Variants in TMC1 observed in about 807,000 individuals in gnomAD.
The protein encoded by TMC1 is transmembrane channel like 1.
Under a neutral mutation model 105.8 loss-of-function variants are expected in TMC1, and 84 were observed. The observed-to-expected ratio is 0.79, with a 90% CI of 0.67 to 0.95. The LOEUF (loss-of-function observed/expected upper bound fraction) is 0.95. TMC1 is among the 40% of genes least tolerant of loss of function. The probability of loss-of-function intolerance (pLI) is 0.00; values close to 1 mark genes in which losing one functional copy is unlikely to be tolerated. For synonymous variants in TMC1, 315 were observed against 311.5 expected (o/e 1.01, Z -0.12); for missense variants, 817 against 914.1 (o/e 0.89, Z 1.37).
chr9:72,742,236 A>AT (rs1182188040), intron 9 of TMC1, among the ~76,000 whole-genome samples: 6 of 152,084 alleles, frequency 3.9e-5, no homozygotes, highest in African/African-American at 1.2e-4. Context: ...ATCGATAAAC[A>AT]TTTTTTTGTT....
intron 1 of TMC1, among the ~76,000 whole-genome samples, chr9:72,529,122 T>C (rs1587939464): frequency 1.3e-5 from 2 of 148,806 alleles, no homozygotes; most frequent in East Asian, 3.9e-4. Flanking sequence ...AATCAGGGAC[T>C]GAAGCATCTT....
intron 12 of TMC1, among the ~76,000 whole-genome samples, chr9:72,767,486 A>G (rs1827858924): frequency 6.6e-6 from 1 of 152,232 alleles, no homozygotes; most frequent in Non-Finnish European, 1.5e-5. Flanking sequence ...GACCTCTGAA[A>G]TCCTGTCTCC....
intron 4 of TMC1, among the ~76,000 whole-genome samples, chr9:72,646,117 T>C (rs190467898): frequency 5.3e-5 from 8 of 152,336 alleles, no homozygotes; most frequent in African/African-American, 1.9e-4. Context: ...TCCAAAATTA[T>C]AGTCTATGAT....
At chr9:72,550,657 C>CAA (rs71493659) in intron 1 of TMC1, among the ~76,000 whole-genome samples, 20,202 of 61,540 alleles carry the variant, frequency 0.33, 4,207 homozygotes, top group African/African-American at 0.51. Context: ...GACTCCATCT[C>CAA]AAAAAAAAAA....
At chr9:72,610,426 C>T (rs1055899819) in intron 2 of TMC1, among the ~76,000 whole-genome samples, 10 of 152,164 alleles carry the variant, frequency 6.6e-5, no homozygotes, top group East Asian at 3.9e-4. Flanking sequence ...AAGAACCAAG[C>T]GAGCCAATGA....
chr9:72,691,211 A>C (rs1393643150), intron 6 of TMC1, among the ~76,000 whole-genome samples: 4 of 152,044 alleles, frequency 2.6e-5, no homozygotes, highest in Non-Finnish European at 4.4e-5. Flanking sequence ...ATTTCTGTTG[A>C]AACTCATACT....
At chr9:72,811,919 G>A (rs1379690843) in intron 18 of TMC1, among the ~76,000 whole-genome samples, 1 of 152,120 alleles carries the variant, frequency 6.6e-6, no homozygotes, top group Non-Finnish European at 1.5e-5. Flanking sequence ...CCATGTGATC[G>A]TACCAGCAAT....
chr9:72,719,827 A>G (rs1826991652), intron 8 of TMC1, among the ~76,000 whole-genome samples: 1 of 152,154 alleles, frequency 6.6e-6, no homozygotes, highest in Non-Finnish European at 1.5e-5. Context: ...GCAATTTTTC[A>G]TCTGCAGAAT....
chr9:72,723,782 C>G (rs904940953), intron 8 of TMC1, among the ~76,000 whole-genome samples: 2 of 152,246 alleles, frequency 1.3e-5, no homozygotes, highest in Non-Finnish European at 2.9e-5. Context: ...CAAGAATTCC[C>G]TTTACTTGTC....
chr9:72,700,743 T>TATATATATATATATATAC (rs1242969553), intron 8 of TMC1, 100 bp downstream of exon 8: 1 of 130,842 alleles, frequency 7.6e-6, no homozygotes, highest in African/African-American at 4.3e-5. Flanking sequence ...TATATATATA[T>TATATATATATATATATAC]ACACACACAC....
chr9:72,830,823 C>A, intron 23 of TMC1, 141 bp downstream of exon 23: 1 of 758,356 alleles, frequency 1.3e-6, no homozygotes, highest in Non-Finnish European at 2.2e-6. Context: ...CCTTACCTTC[C>A]ACCTTTTTAG....
intron 4 of TMC1, among the ~76,000 whole-genome samples, chr9:72,642,166 A>G (rs1314117229): frequency 6.6e-6 from 1 of 152,110 alleles, no homozygotes; most frequent in Non-Finnish European, 1.5e-5. Flanking sequence ...AGATGAAATA[A>G]CACCCAGAAT....
intron 8 of TMC1, among the ~76,000 whole-genome samples, chr9:72,715,932 C>T (rs149200447): frequency 9.9e-5 from 15 of 152,274 alleles, no homozygotes; most frequent in African/African-American, 2.6e-4. Context: ...TGGTGACCTT[C>T]GGCTGGGGTC....
At chr9:72,779,135 G>A (rs1828052059) in intron 13 of TMC1, among the ~76,000 whole-genome samples, 1 of 152,180 alleles carries the variant, frequency 6.6e-6, no homozygotes, top group Admixed American at 6.5e-5. Flanking sequence ...TGTGTGCCTG[G>A]TCCTATACCA....
At chr9:72,759,120 G>A (rs922257790) in intron 12 of TMC1, among the ~76,000 whole-genome samples, 2 of 152,078 alleles carry the variant, frequency 1.3e-5, no homozygotes, top group African/African-American at 4.8e-5. Context: ...AAGAGGAAGT[G>A]GGGTTATTAG....
chr9:72,789,001 C>T lies in TMC1; in HGVS notation c.1030-122C>T, dbSNP rs1468443048. 2.1e-5 allele frequency: 20 copies of T among 972,122 alleles called. No individual in the cohort carries two copies. In the Admixed American group the frequency reaches 3.9e-4, roughly 19 times the overall value. 60.2% of individuals were successfully genotyped at this position (972,122 alleles called of 1,614,324 possible). On this transcript the variant is annotated intron_variant, in intron 14 of 23. Transcript: ENST00000297784. ...TTTGTGGAATCTCAGATTTAGTTTA[C>T]ATTGTCATTCCTCACATTCTGATGA... is the stretch of plus-strand genomic sequence containing the variant.
At chr9:72,734,313 A>G (rs946902325) in intron 8 of TMC1, among the ~76,000 whole-genome samples, 6 of 152,232 alleles carry the variant, frequency 3.9e-5, no homozygotes, top group Non-Finnish European at 8.8e-5. Flanking sequence ...GCTATTTGCC[A>G]TGGACTAAGC....
chr9:72,740,646 G>C (rs1164643577), intron 9 of TMC1, among the ~76,000 whole-genome samples: 1 of 152,114 alleles, frequency 6.6e-6, no homozygotes, highest in Non-Finnish European at 1.5e-5. Flanking sequence ...AGATTTTGGG[G>C]AAAGACAGAA....
chr9:72,738,566 C>T (rs963025540), intron 8 of TMC1, among the ~76,000 whole-genome samples: 2 of 152,068 alleles, frequency 1.3e-5, no homozygotes, highest in African/African-American at 2.4e-5. Context: ...TACAGGTACA[C>T]ACCACCACGC....
Sources: allele counts gnomAD v4.1 joint callset (sites outside exome capture counted in the v4.1 genomes callset), GRCh38; gene constraint gnomAD v4.1.1; transcripts MANE v1.5; gene names NCBI Gene and HGNC (gene_info 2026-07-23, HGNC 2026-07-21).